Variants in ZNF229 observed in about 807,000 individuals in gnomAD.
ZNF229 encodes zinc finger protein 229.
A neutral mutation model predicts 11.8 loss-of-function variants in ZNF229; 10 were observed. That is an observed-to-expected ratio of 0.85 (90% CI 0.52 to 1.44). The LOEUF (loss-of-function observed/expected upper bound fraction) is 1.44, where lower values mean the gene tolerates loss of function less well. ZNF229 is among the 40% of genes most tolerant of loss of function. The pLI, the probability that ZNF229 is intolerant of heterozygous loss-of-function variation, is 0.00. For synonymous variants in ZNF229, 368 were observed against 374.8 expected (o/e 0.98, Z 0.21); for missense variants, 1,045 against 1,015.1 (o/e 1.03, Z -0.40).
chr19:44,434,024 T>C (rs1377042669), intron 4 of ZNF229, among the ~76,000 whole-genome samples: 2 of 152,290 alleles, frequency 1.3e-5, no homozygotes, highest in South Asian at 2.1e-4. Context: ...GGGTATTTCT[T>C]TGTAGCAATG....
chr19:44,437,364 A>G (rs1166156860), intron 4 of ZNF229, among the ~76,000 whole-genome samples: 1 of 152,208 alleles, frequency 6.6e-6, no homozygotes, highest in Non-Finnish European at 1.5e-5. Flanking sequence ...CAGCCAACAA[A>G]CATATTTAAA....
Position 44,428,702 on chromosome 19 carries a change from G to C in ZNF229, c.2079C>G (p.Phe693Leu), listed in dbSNP as rs768493001. The C allele has an allele frequency of 6.2e-7, 1 of 1,613,730 alleles. No homozygotes were observed. The highest frequency in any genetic ancestry group is 8.5e-7 in the Non-Finnish European group (1 of 1,179,924). ...PYTCDQCGKGFSYGSNLRTHQ... is the reference protein window; with the variant it reads ...PYTCDQCGKGLSYGSNLRTHQ... ...GGGTGCGAAGATTAGAGCCATAACT[G>C]AATCCCTTGCCACACTGATCACACG... Residue 693 changes from phenylalanine to leucine, a missense_variant, in exon 6 of 6, where the codon TTC (phenylalanine) becomes TTG (leucine). By Grantham distance (22) the Phe-to-Leu change is conservative. Transcript: ENST00000614049.
rs1023984550 is a variant in ZNF229 at position 44,426,653 on chromosome 19, G to C, written c.*1650C>G. ...TTATCTAAAAAATTTCCTACCAATG[G>C]AAACTGGAATATTAACATTTGCTAT... On this transcript the variant is annotated 3_prime_UTR_variant, in exon 6 of 6. Transcript: ENST00000614049. The C allele has an allele frequency of 1.3e-5, 2 of 152,088 alleles. No homozygotes were observed. The highest frequency in any genetic ancestry group is 2.9e-5 in the Non-Finnish European group (2 of 68,038). 9.4% of individuals were successfully genotyped at this position (152,088 alleles called of 1,614,324 possible).
intron 2 of ZNF229, among the ~76,000 whole-genome samples, chr19:44,446,058 A>T (rs1163086022): frequency 2.0e-5 from 3 of 152,194 alleles, no homozygotes; most frequent in Non-Finnish European, 4.4e-5. Flanking sequence ...ACTGTGTTCC[A>T]TGTGCTTAGG....
In ZNF229 at chr19:44,429,329, GGTGT is replaced by G; in HGVS notation, c.1448_1451del (p.His483ProfsTer336). 1 of 1,613,992 alleles carries G rather than the reference GGTGT, an allele frequency of 6.2e-7. No homozygotes were observed. Among genetic ancestry groups the G allele is most frequent in the South Asian group, 1.1e-5 (1 of 91,088 alleles). ...TGTCACACTGGTAGGGCCTCTCGCC[GGTGT>G]GTGTCTTCTGATGACTGCTGAGGTG... On this transcript the variant is annotated frameshift_variant, in exon 6 of 6. Coordinates refer to ENST00000614049, the MANE Select transcript of ZNF229 (RefSeq NM_014518.4). LOFTEE classifies it low-confidence loss of function (END_TRUNC).
intron 4 of ZNF229, among the ~76,000 whole-genome samples, chr19:44,441,999 T>C (rs1971919268): frequency 6.6e-6 from 1 of 152,198 alleles, no homozygotes; most frequent in Non-Finnish European, 1.5e-5. Flanking sequence ...TTTCATATGA[T>C]TAGTGGGCAT....
At position 44,429,740 on chromosome 19, in the gene ZNF229, C is replaced by A. The variant is rs774298158; in HGVS notation, c.1041G>T (p.Met347Ile). 6.2e-7 allele frequency: 1 copy of A among 1,614,092 alleles called. No individual in the cohort carries two copies. Residue 347 changes from methionine (M) to isoleucine (I), a missense_variant, in exon 6 of 6, where the codon ATG becomes ATT. Met to Ile is a conservative substitution (Grantham distance 10, BLOSUM62 1). Coordinates refer to ENST00000614049, the MANE Select transcript of ZNF229 (RefSeq NM_014518.4). ...RNHPRAPVGDMPYRCDVCGKG... is the reference protein window; with the variant it reads ...RNHPRAPVGDIPYRCDVCGKG... ...TTCCACAGACATCACATCTATAGGG[C>A]ATGTCTCCCACAGGGGCTCTGGGGT...
chr19:44,432,210 A>G lies in ZNF229; in HGVS notation c.238+12T>C. 1 of 1,603,852 alleles carries G rather than the reference A, an allele frequency of 6.2e-7. No homozygotes were observed. Among genetic ancestry groups the G allele is most frequent in the Non-Finnish European group, 8.5e-7 (1 of 1,177,256 alleles). The stretch of plus-strand genomic sequence containing the variant: ...GGAACAAGAACACTCCAAGAAGTTC[A>G]GTTCCAATTACCCAGAGGATTCCTC... On this transcript the variant is annotated intron_variant, in intron 5 of 5. Coordinates refer to ENST00000614049, the MANE Select transcript of ZNF229 (RefSeq NM_014518.4).
intron 3 of ZNF229, 44 bp from the exon 4 acceptor site, chr19:44,442,665 T>C (rs1329706777): frequency 1.2e-6 from 2 of 1,610,736 alleles, no homozygotes; most frequent in African/African-American, 2.7e-5. Flanking sequence ...TGGTGCTGCC[T>C]GAAGCTCTAG....
At chr19:44,434,455 G>C (rs1232313283) in intron 4 of ZNF229, among the ~76,000 whole-genome samples, 1 of 152,016 alleles carries the variant, frequency 6.6e-6, no homozygotes, top group South Asian at 2.1e-4. Flanking sequence ...TTTGAACCAA[G>C]GAATTTCAAA....
In ZNF229 at chr19:44,430,418, G is replaced by A. The variant is rs1260747199; in HGVS notation, c.363C>T (p.Asp121=). 6.2e-7 allele frequency: 1 copy of A among 1,614,182 alleles called. No homozygotes were observed. The highest frequency in any genetic ancestry group is 1.7e-5 in the Admixed American group (1 of 60,026). The part of the protein sequence containing the change: ...EVAGELPGSQ[D]CRVNLQGKDF... ...CTTTTCCTTGCAGATTTACTCTACA[G>A]TCTTGGCTCCCAGGTAATTCACCTG... Residue 121 remains aspartate, a synonymous_variant, in exon 6 of 6, where the codon GAC becomes GAT. Transcript: ENST00000614049.
At chr19:44,439,040 C>T (rs1971862586) in intron 4 of ZNF229, among the ~76,000 whole-genome samples, 1 of 152,132 alleles carries the variant, frequency 6.6e-6, no homozygotes, top group Non-Finnish European at 1.5e-5. Context: ...GAGGGAGGAG[C>T]AGTCTCTTGT....
chr19:44,445,067 T>C (rs1317462627), intron 2 of ZNF229, among the ~76,000 whole-genome samples: 2 of 152,216 alleles, frequency 1.3e-5, no homozygotes, highest in African/African-American at 4.8e-5. Flanking sequence ...AAGTCCAGAT[T>C]TGCCCCTAGA....
chr19:44,440,874 C>A (rs915348176), intron 4 of ZNF229, among the ~76,000 whole-genome samples: 1 of 151,992 alleles, frequency 6.6e-6, no homozygotes, highest in African/African-American at 2.4e-5. Flanking sequence ...TAGGAATGCA[C>A]CACCACACCC....
chr19:44,437,946 A>G (rs1228809882), intron 4 of ZNF229, among the ~76,000 whole-genome samples: 1 of 152,184 alleles, frequency 6.6e-6, no homozygotes, highest in Non-Finnish European at 1.5e-5. Flanking sequence ...AGAGGGAACA[A>G]CAGACACAGA....
chr19:44,442,960 C>T lies in ZNF229; in HGVS notation c.-113G>A. On this transcript the variant is annotated 5_prime_UTR_variant, in exon 3 of 6. Coordinates refer to ENST00000614049, the MANE Select transcript of ZNF229 (RefSeq NM_014518.4). ...TTTTTCATTCCGGAAACTCTCCAAG[C>T]TCTGACAAGTTCCTGTCTCCACCTT... 2 of 1,287,602 alleles carry T rather than the reference C, an allele frequency of 1.6e-6. No individual in the cohort carries two copies. The highest frequency in any genetic ancestry group is 4.6e-5 in the East Asian group (2 of 43,422). 79.8% of individuals were successfully genotyped at this position (1,287,602 alleles called of 1,614,324 possible). A position where few individuals can be genotyped will look rare whatever the true frequency, so the allele number is the denominator to read the frequency against.
At chr19:44,434,264 T>G (rs1180623398) in intron 4 of ZNF229, among the ~76,000 whole-genome samples, 1 of 152,178 alleles carries the variant, frequency 6.6e-6, no homozygotes, top group Non-Finnish European at 1.5e-5. Context: ...GAATGATGGT[T>G]CTTTCCCAAT....
intron 2 of ZNF229, among the ~76,000 whole-genome samples, chr19:44,443,705 T>G (rs111713447): frequency 6.6e-6 from 1 of 152,188 alleles, no homozygotes; most frequent in Non-Finnish European, 1.5e-5. Flanking sequence ...TCTGAAATAT[T>G]TGCACAAACC....
chr19:44,436,542 A>C (rs1426081918), intron 4 of ZNF229, among the ~76,000 whole-genome samples: 2 of 152,174 alleles, frequency 1.3e-5, no homozygotes, highest in African/African-American at 4.8e-5. Context: ...GCACTTTGTG[A>C]GGCCAAGATG....
Sources: gnomAD v4.1 joint callset for allele counts (sites outside exome capture counted in the v4.1 genomes callset) on GRCh38, gnomAD v4.1.1 for gene constraint, MANE v1.5 for transcripts, NCBI Gene and HGNC (gene_info 2026-07-23, HGNC 2026-07-21) for gene names.